Variants in TF observed in about 807,000 individuals in gnomAD.
TF encodes the protein transferrin.
A neutral mutation model predicts 82.4 loss-of-function variants in TF; 55 were observed. That is an observed-to-expected ratio of 0.67 (90% CI 0.54 to 0.84). The LOEUF (loss-of-function observed/expected upper bound fraction) is 0.84, where lower values mean the gene tolerates loss of function less well. Among genes scored for constraint, TF ranks in the 40% least tolerant of loss-of-function variants. The pLI is 0.00. For missense variants in TF, 737 were observed against 868.4 expected, an observed-to-expected ratio of 0.85 and a Z score of 1.90; for synonymous variants, 332 against 332.6, an observed-to-expected ratio of 1.00 and a Z score of 0.02.
Position 133,790,532 on chromosome 3 carries a change from T to C in TF, c.*11912T>C, listed in dbSNP as rs531079574. 1 of 152,370 alleles carries C rather than the reference T, an allele frequency of 6.6e-6. No individual in the cohort carries two copies. Among genetic ancestry groups the C allele is most frequent in the Non-Finnish European group, 1.5e-5 (1 of 68,046 alleles). 9.4% of individuals were successfully genotyped at this position (152,370 alleles called of 1,614,324 possible). Reference sequence around the variant, plus strand: ...GAGAACGATATGGAAAAAGTTTAGATAATAAAATATTCTTTAAAACCTGAT... The same window carrying C: ...GAGAACGATATGGAAAAAGTTTAGACAATAAAATATTCTTTAAAACCTGAT... On this transcript the variant is annotated 3_prime_UTR_variant, in exon 17 of 17. Transcript: ENST00000402696.
At chr3:133,735,568 G>T in the TF span, among the ~76,000 whole-genome samples, 1 of 152,100 alleles carries the variant, frequency 6.6e-6, no homozygotes, top group Non-Finnish European at 1.5e-5. Context: ...AAAAAGGTTA[G>T]AGGAATTGCT....
rs1327386035 is a variant in TF at position 133,778,683 on chromosome 3, C to T, written c.*63C>T. On this transcript the variant is annotated 3_prime_UTR_variant, in exon 17 of 17. Transcript: ENST00000402696. ...GAACGCAGATGATCCATGAGTTTGC[C>T]CTGGTTTCACTGGCCCAAGTGGTTT... The T allele has an allele frequency of 1.3e-6, 2 of 1,586,744 alleles. No individual in the cohort carries two copies. Among genetic ancestry groups the T allele is most frequent in the Non-Finnish European group, 1.7e-6 (2 of 1,158,818 alleles).
intron 9 of TF, among the ~76,000 whole-genome samples, chr3:133,763,633 T>A (rs1268534685): frequency 6.6e-6 from 1 of 152,258 alleles, no homozygotes; most frequent in African/African-American, 2.4e-5. Context: ...CTTACAAACC[T>A]TGTTGAATCT....
chr3:133,686,807 A>T, the TF span, among the ~76,000 whole-genome samples: 403 of 139,432 alleles, frequency 2.9e-3, 4 homozygotes, highest in East Asian at 0.039. Flanking sequence ...AGGATATAGA[A>T]CTAGAAGTAC....
rs1433422736 is a variant in TF at position 133,783,870 on chromosome 3, C to T, written c.*5250C>T. On this transcript the variant is annotated 3_prime_UTR_variant, in exon 17 of 17. Coordinates refer to ENST00000402696, the MANE Select transcript of TF (RefSeq NM_001063.4). The stretch of plus-strand genomic sequence containing the variant: ...TGCAGGGTCTCCCCGCCCAACCCTG[C>T]CAGGCTCAGACGAAGCTTCTGCTGA... The T allele has an allele frequency of 1.3e-5, 2 of 152,274 alleles. No individual in the cohort carries two copies. Among genetic ancestry groups the T allele is most frequent in the African/African-American group, 2.4e-5 (1 of 41,470 alleles). 9.4% of individuals were successfully genotyped at this position (152,274 alleles called of 1,614,324 possible). A position where few individuals can be genotyped will look rare whatever the true frequency, so the allele number is the denominator to read the frequency against.
Position 133,757,689 on chromosome 3 carries a change from G to A in TF, c.871-80G>A, listed in dbSNP as rs145603128. 37 of 1,391,152 alleles carry A rather than the reference G, an allele frequency of 2.7e-5. No individual in the cohort carries two copies. In the East Asian group the frequency reaches 8.3e-4, roughly 31 times the overall value. The allele number at this position is 1,391,152 out of a possible 1,614,324, so 86.2% of individuals were successfully genotyped here. A position where few individuals can be genotyped will look rare whatever the true frequency, so the allele number is the denominator to read the frequency against. ...ACTTTTTCATGTTGTTTCCTGCAGA[G>A]ATTTCTTTTCTCTTCAGTCCCATTT... On this transcript the variant is annotated intron_variant, in intron 7 of 16. Transcript: ENST00000402696.
At chr3:133,727,655 A>G in the TF span, among the ~76,000 whole-genome samples, 2 of 117,934 alleles carry the variant, frequency 1.7e-5, no homozygotes, top group Non-Finnish European at 3.5e-5. Flanking sequence ...GTCCATTTAC[A>G]TTTAAAGTTA....
chr3:133,716,239 C>T, the TF span, among the ~76,000 whole-genome samples: 1 of 152,168 alleles, frequency 6.6e-6, no homozygotes, highest in South Asian at 2.1e-4. Flanking sequence ...CTAGTTCTGA[C>T]ATTTTCCTGA....
intron 9 of TF, among the ~76,000 whole-genome samples, chr3:133,763,254 A>G (rs1350820336): frequency 6.6e-6 from 1 of 152,238 alleles, no homozygotes; most frequent in Non-Finnish European, 1.5e-5. Context: ...TATTAAAAAA[A>G]TGCAAGGCTA....
chr3:133,700,292 C>G, the TF span: 1 of 152,438 alleles, frequency 6.6e-6, no homozygotes, highest in Admixed American at 6.5e-5. Context: ...ACTGCAAAAG[C>G]AAACACCAGC....
At chr3:133,692,206 C>T in the TF span, among the ~76,000 whole-genome samples, 25 of 152,228 alleles carry the variant, frequency 1.6e-4, no homozygotes, top group Non-Finnish European at 3.2e-4. Flanking sequence ...GGCAACAGAA[C>T]ATGGGCCTGG....
At chr3:133,763,275 A>G (rs942101357) in intron 9 of TF, among the ~76,000 whole-genome samples, 1 of 152,366 alleles carries the variant, frequency 6.6e-6, no homozygotes. Context: ...TTGATGTGAA[A>G]TTACATACAT....
the TF span, chr3:133,707,446 A>C: frequency 2.6e-5 from 4 of 152,322 alleles, no homozygotes; most frequent in African/African-American, 9.6e-5. Flanking sequence ...TGCTCTTCCC[A>C]TTCCTGATTT....
chr3:133,778,908 A>G lies in TF; in HGVS notation c.*288A>G, dbSNP rs1396992054. ...CTCAAGATTCGTCTGGTCTTTCCCTACAGCTTTGTGTGTGCCATGGCCACA... is the reference window on the plus strand; with the variant it reads ...CTCAAGATTCGTCTGGTCTTTCCCTGCAGCTTTGTGTGTGCCATGGCCACA... On this transcript the variant is annotated 3_prime_UTR_variant, in exon 17 of 17. Transcript: ENST00000402696. 1 of 371,298 alleles carries G rather than the reference A, an allele frequency of 2.7e-6. No individual in the cohort carries two copies. The highest frequency in any genetic ancestry group is 2.1e-5 in the African/African-American group (1 of 47,482). The allele number at this position is 371,298 out of a possible 1,614,324, so 23.0% of individuals were successfully genotyped here.
chr3:133,666,992 T>C, the TF span, among the ~76,000 whole-genome samples: 2 of 151,084 alleles, frequency 1.3e-5, no homozygotes, highest in African/African-American at 4.9e-5. Flanking sequence ...GCTGAGATCG[T>C]GCCACTGCAC....
chr3:133,725,773 G>C, the TF span, among the ~76,000 whole-genome samples: 1 of 152,052 alleles, frequency 6.6e-6, no homozygotes, highest in Non-Finnish European at 1.5e-5. Flanking sequence ...TGCCCATTCA[G>C]TATGATATTG....
chr3:133,748,191 C>T (rs955878040), intron 1 of TF: 8 of 608,332 alleles, frequency 1.3e-5, no homozygotes, highest in South Asian at 1.3e-4. Context: ...CCCCTCTGGC[C>T]AGCAGAGGGT....
At chr3:133,684,227 C>T in the TF span, among the ~76,000 whole-genome samples, 2 of 152,108 alleles carry the variant, frequency 1.3e-5, no homozygotes, top group African/African-American at 2.4e-5. Context: ...ATTTGTAGCA[C>T]GAAATGCCCA....
chr3:133,685,378 AG>A, the TF span, among the ~76,000 whole-genome samples: 1 of 152,198 alleles, frequency 6.6e-6, no homozygotes, highest in Non-Finnish European at 1.5e-5. Context: ...AAAGAAACAA[AG>A]GGTATTCGAT....
Sources: allele counts gnomAD v4.1 joint callset (sites outside exome capture counted in the v4.1 genomes callset), GRCh38; gene constraint gnomAD v4.1.1; transcripts MANE v1.5; gene names NCBI Gene and HGNC (gene_info 2026-07-23, HGNC 2026-07-21).